ITPRID1: variants seen among roughly 807,000 people sequenced by gnomAD.
ITPRID1 encodes the protein protein ITPRID1.
ITPRID1 carries 96 observed loss-of-function variants against 95.4 expected under a neutral mutation model. That is an observed-to-expected ratio of 1.01 (90% CI 0.85 to 1.19). The LOEUF (loss-of-function observed/expected upper bound fraction) is 1.19, where lower values mean the gene tolerates loss of function less well. Ranked by LOEUF, ITPRID1 falls within the 50% of genes most tolerant of loss-of-function variation. ITPRID1 has a pLI of 0.00. For missense variants in ITPRID1, 1,339 were observed against 1,252.9 expected, an observed-to-expected ratio of 1.07 and a Z score of -1.04; for synonymous variants, 510 against 453.6, an observed-to-expected ratio of 1.12 and a Z score of -1.58.
At chr7:31,598,650 G>T (rs910522484) in intron 10 of ITPRID1, among the ~76,000 whole-genome samples, 1 of 151,966 alleles carries the variant, frequency 6.6e-6, no homozygotes, top group Non-Finnish European at 1.5e-5. Context: ...TGATCCGCCC[G>T]CCTTGGCCTC....
rs1255174226 is a variant in ITPRID1 at position 31,655,476 on chromosome 7, T to A, written c.*2647T>A. Among the ~76,000 whole-genome samples, 1 of 152,202 alleles carries A rather than the reference T, an allele frequency of 6.6e-6. No homozygotes were observed. Among genetic ancestry groups the A allele is most frequent in the East Asian group, 1.9e-4 (1 of 5,192 alleles). ...CCAGGTTGGGCTCTCTCAGCCACCA[T>A]GTGGGTCATATTTGCTGGATCTACA... On this transcript the variant is annotated 3_prime_UTR_variant, in exon 15 of 15. Transcript: ENST00000615280.
chr7:31,548,719 G>A (rs1211684024), intron 1 of ITPRID1, among the ~76,000 whole-genome samples: 1 of 152,180 alleles, frequency 6.6e-6, no homozygotes, highest in East Asian at 1.9e-4. Flanking sequence ...GGATGAGTTA[G>A]TTCTCTGAGA....
chr7:31,565,980 G>C (rs1188679408), intron 5 of ITPRID1, among the ~76,000 whole-genome samples: 1 of 152,126 alleles, frequency 6.6e-6, no homozygotes, highest in Admixed American at 6.5e-5. Flanking sequence ...GGTCCACTTT[G>C]CACATTCCCT....
Position 31,654,482 on chromosome 7 carries a change from A to G in ITPRID1, c.*1653A>G, listed in dbSNP as rs1275498702. Among the ~76,000 whole-genome samples the G allele has an allele frequency of 2.0e-5, 3 of 152,172 alleles. No individual in the cohort carries two copies. The highest frequency in any genetic ancestry group is 2.9e-5 in the Non-Finnish European group (2 of 68,036). On this transcript the variant is annotated 3_prime_UTR_variant, in exon 15 of 15. Coordinates refer to ENST00000615280, the MANE Select transcript of ITPRID1 (RefSeq NM_001257967.3). ...GCAGGGTCGTCATATAATCTGATTT[A>G]CGTTTTGAAGTCATGCTGGCTGCTT...
In ITPRID1 at chr7:31,537,972, A is replaced by G. The variant is rs886590273; in HGVS notation, c.-97-11454A>G. On this transcript the variant is annotated intron_variant, in intron 1 of 14. Coordinates refer to ENST00000615280, the MANE Select transcript of ITPRID1 (RefSeq NM_001257967.3). ...CCATACATTGTCACTATTATTTTCA[A>G]TGGATGCACAGTATTCCATCAGGTA... 8.5e-5 allele frequency among the ~76,000 whole-genome samples: 13 copies of G among 152,336 alleles called. 1 individual carries two copies. In the East Asian group the frequency reaches 2.5e-3, roughly 29 times the overall value.
intron 1 of ITPRID1, among the ~76,000 whole-genome samples, chr7:31,534,023 T>A (rs1446382565): frequency 1.3e-5 from 2 of 152,120 alleles, no homozygotes; most frequent in Non-Finnish European, 2.9e-5. Flanking sequence ...TGGTATTAGA[T>A]CCTCACAGAA....
chr7:31,523,945 A>G (rs1783346380), intron 1 of ITPRID1, among the ~76,000 whole-genome samples: 1 of 152,182 alleles, frequency 6.6e-6, no homozygotes, highest in African/African-American at 2.4e-5. Context: ...TAGTTGTAAA[A>G]GTGTTGGTTC....
rs1785244448 is a variant in ITPRID1, at chr7:31,577,928, G to A, written c.664G>A (p.Val222Ile). 3 of 1,613,530 alleles carry A rather than the reference G, an allele frequency of 1.9e-6. No individual in the cohort carries two copies. Among genetic ancestry groups the A allele is most frequent in the Non-Finnish European group, 1.7e-6 (2 of 1,179,748 alleles). ...TGCCTTCTCATCTCTGCTGAGTGAT[G>A]TCAGCATCCTGCCAAACAGAGCTGA... Reference protein sequence around the residue: ...TNAFSSLLSDVSILPNRAEEK... With the variant: ...TNAFSSLLSDISILPNRAEEK... Residue 222 changes from valine to isoleucine, a missense_variant, in exon 9 of 15, where the codon GTC (valine) becomes ATC (isoleucine). Val to Ile is a conservative substitution (Grantham distance 29). Transcript: ENST00000615280.
chr7:31,596,554 TG>T lies in ITPRID1; in HGVS notation c.1228+13364del, dbSNP rs943459435. ...AAGTTATCAAAAATGTTTTAACAAT[TG>T]AAAAACTAATATAATTTAAATAGTC... is the stretch of plus-strand genomic sequence containing the variant. On this transcript the variant is annotated intron_variant, in intron 10 of 14. Coordinates refer to ENST00000615280, the MANE Select transcript of ITPRID1 (RefSeq NM_001257967.3). Among the ~76,000 whole-genome samples, 15 of 151,840 alleles carry T rather than the reference TG, an allele frequency of 9.9e-5. No individual in the cohort carries two copies. The South Asian group carries it at 1.2e-3, about 13-fold the overall frequency.
At chr7:31,514,309 T>G (rs895983781) in intron 1 of ITPRID1, 189 bp downstream of exon 1, 4 of 152,224 alleles carry the variant, frequency 2.6e-5, no homozygotes, top group Non-Finnish European at 5.9e-5. Context: ...CCTTCTTCTC[T>G]CCCTCTAGAT....
At position 31,651,276 on chromosome 7, in the gene ITPRID1, A is replaced by G. The variant is rs181100449; in HGVS notation, c.2711+7A>G. ...ACATGTCAGAGGAGGAAAGGTAATT[A>G]CCTAAGGGAGCCATAAAAGTAAGTA... On this transcript the variant is annotated splice_region_variant and intron_variant, in intron 13 of 14. Transcript: ENST00000615280. 78 of 1,612,016 alleles carry G rather than the reference A, an allele frequency of 4.8e-5. No homozygotes were observed. In the African/African-American group the frequency reaches 6.4e-4, roughly 13 times the overall value.
At chr7:31,541,461 CA>C (rs1357233971) in intron 1 of ITPRID1, among the ~76,000 whole-genome samples, 1 of 152,084 alleles carries the variant, frequency 6.6e-6, no homozygotes, top group Non-Finnish European at 1.5e-5. Flanking sequence ...TTATGGATGA[CA>C]AAAAGTTTTA....
At chr7:31,529,388 A>T (rs1783521622) in intron 1 of ITPRID1, 1 of 187,084 alleles carries the variant, frequency 5.3e-6, no homozygotes, top group Admixed American at 5.9e-5. Flanking sequence ...CAGACCTGCC[A>T]ACAGGTCAAA....
At position 31,655,043 on chromosome 7, in the gene ITPRID1, TA is replaced by T. The variant is rs1296521489; in HGVS notation, c.*2215del. 7.6e-4 allele frequency among the ~76,000 whole-genome samples: 115 copies of T among 152,268 alleles called. 1 individual carries two copies. The highest frequency in any genetic ancestry group is 7.5e-3 in the Admixed American group (115 of 15,302). ...TTTCTCCATTCCTCTGTCCTCAGTA[TA>T]CACACACACTCTCCAAGCATCTATG... On this transcript the variant is annotated 3_prime_UTR_variant, in exon 15 of 15. Coordinates refer to ENST00000615280, the MANE Select transcript of ITPRID1 (RefSeq NM_001257967.3).
chr7:31,607,651 T>C (rs1786682700), intron 10 of ITPRID1, among the ~76,000 whole-genome samples: 2 of 152,044 alleles, frequency 1.3e-5, no homozygotes, highest in African/African-American at 4.8e-5. Context: ...ATCCATTAGG[T>C]TGGGTTCTCA....
At chr7:31,531,823 T>C (rs1783607436) in intron 1 of ITPRID1, among the ~76,000 whole-genome samples, 1 of 152,192 alleles carries the variant, frequency 6.6e-6, no homozygotes, top group African/African-American at 2.4e-5. Flanking sequence ...TTTACATGAC[T>C]CTGATGTTGA....
chr7:31,656,811 C>T (rs1791326973), downstream of ITPRID1, among the ~76,000 whole-genome samples: 1 of 152,002 alleles, frequency 6.6e-6, no homozygotes, highest in African/African-American at 2.4e-5. Flanking sequence ...CCCCAAAGGT[C>T]TCCAAACATT....
chr7:31,649,757 G>A (rs1790787928), intron 12 of ITPRID1, among the ~76,000 whole-genome samples: 1 of 152,190 alleles, frequency 6.6e-6, no homozygotes, highest in African/African-American at 2.4e-5. Flanking sequence ...GCAAAACAAA[G>A]GGGATAGCTG....
chr7:31,591,091 A>G (rs562763873), intron 10 of ITPRID1, among the ~76,000 whole-genome samples: 34 of 152,206 alleles, frequency 2.2e-4, no homozygotes, highest in Non-Finnish European at 4.7e-4. Context: ...CTGACTGTGG[A>G]ATGGGCTGTG....
Sources: allele counts gnomAD v4.1 joint callset (sites outside exome capture counted in the v4.1 genomes callset), GRCh38; gene constraint gnomAD v4.1.1; transcripts MANE v1.5; gene names NCBI Gene and HGNC (gene_info 2026-07-23, HGNC 2026-07-21).